Variants in LHFPL4 observed in about 807,000 individuals in gnomAD.
LHFPL4 encodes the protein LHFPL tetraspan subfamily member 4 protein.
LHFPL4 carries 6 observed loss-of-function variants against 20.0 expected under a neutral mutation model. The ratio of observed to expected loss-of-function variants is 0.30; its 90% CI spans 0.16 to 0.59. The LOEUF is 0.59. Among genes scored for constraint, LHFPL4 ranks in the 20% least tolerant of loss-of-function variants. The pLI is 0.88. For synonymous variants in LHFPL4, 129 were observed against 143.8 expected, an observed-to-expected ratio of 0.90 and a Z score of 0.74; for missense variants, 215 against 331.2, an observed-to-expected ratio of 0.65 and a Z score of 2.72.
Position 9,500,995 on chromosome 3 carries a change from C to A in LHFPL4, c.*1216G>T. 1 of 153,152 alleles carries A rather than the reference C, an allele frequency of 6.5e-6. No homozygotes were observed. The allele number at this position is 153,152 out of a possible 1,614,324, so 9.5% of individuals were successfully genotyped here. A position where few individuals can be genotyped will look rare whatever the true frequency, so the allele number is the denominator to read the frequency against. ...CGCACACACACGCACACACATTTCA[C>A]CCACATACACATACACTCATGCCTC... On this transcript the variant is annotated 3_prime_UTR_variant, in exon 4 of 4. Coordinates refer to ENST00000287585, the MANE Select transcript of LHFPL4 (RefSeq NM_198560.3).
intron 3 of LHFPL4, among the ~76,000 whole-genome samples, chr3:9,505,678 C>T (rs193212241): frequency 3.2e-4 from 49 of 152,310 alleles, no homozygotes; most frequent in African/African-American, 1.1e-3. Flanking sequence ...CCCGCCTCGG[C>T]CTCCCAAAGT....
intron 2 of LHFPL4, among the ~76,000 whole-genome samples, chr3:9,507,851 T>G (rs557725415): frequency 5.2e-4 from 79 of 152,318 alleles, no homozygotes; most frequent in African/African-American, 1.9e-3. Flanking sequence ...ACCCCCAGAT[T>G]CAGCAGGCCA....
chr3:9,519,363 C>T (rs918782599), intron 2 of LHFPL4, among the ~76,000 whole-genome samples: 7 of 152,130 alleles, frequency 4.6e-5, no homozygotes, highest in Admixed American at 3.3e-4. Flanking sequence ...GCATGAGCCA[C>T]CACACCTGGC....
chr3:9,530,959 T>A (rs1384709443), intron 2 of LHFPL4, among the ~76,000 whole-genome samples: 1 of 152,162 alleles, frequency 6.6e-6, no homozygotes, highest in East Asian at 1.9e-4. Flanking sequence ...ACTTGAACAC[T>A]TAGAGGCCAT....
At chr3:9,503,045 G>T (rs1218939397) in intron 3 of LHFPL4, among the ~76,000 whole-genome samples, 2 of 151,206 alleles carry the variant, frequency 1.3e-5, no homozygotes, top group Non-Finnish European at 1.5e-5. Context: ...TTGTTACATC[G>T]CCCAGACTGG....
intron 2 of LHFPL4, among the ~76,000 whole-genome samples, chr3:9,508,837 C>A (rs2046237892): frequency 6.6e-6 from 1 of 152,190 alleles, no homozygotes; most frequent in South Asian, 2.1e-4. Flanking sequence ...AGAGCCCTTT[C>A]CCAGGCGGGT....
intron 2 of LHFPL4, among the ~76,000 whole-genome samples, chr3:9,519,629 G>A (rs889435748): frequency 2.6e-5 from 4 of 152,122 alleles, no homozygotes; most frequent in African/African-American, 7.2e-5. Context: ...CATGATCATG[G>A]CTTACTGCAG....
At chr3:9,544,612 G>A (rs572772891) in intron 2 of LHFPL4, among the ~76,000 whole-genome samples, 5 of 152,248 alleles carry the variant, frequency 3.3e-5, no homozygotes, top group Middle Eastern at 6.8e-3. Flanking sequence ...GCCATAGAGT[G>A]AGACTCTATC....
At chr3:9,523,276 G>C (rs1487390404) in intron 2 of LHFPL4, among the ~76,000 whole-genome samples, 1 of 150,888 alleles carries the variant, frequency 6.6e-6, no homozygotes, top group African/African-American at 2.4e-5. Flanking sequence ...AGCTACTCGG[G>C]AGGCTGAGGC....
intron 2 of LHFPL4, among the ~76,000 whole-genome samples, chr3:9,508,813 C>A (rs1218888708): frequency 6.6e-6 from 1 of 152,238 alleles, no homozygotes; most frequent in Non-Finnish European, 1.5e-5. Context: ...CCTTCCCCCG[C>A]CCTCGGAGTC....
At chr3:9,523,984 C>T (rs1001051055) in intron 2 of LHFPL4, among the ~76,000 whole-genome samples, 35 of 66,862 alleles carry the variant, frequency 5.2e-4, no homozygotes, top group Admixed American at 1.4e-3. Flanking sequence ...GCTAGTATTT[C>T]CCCCCCCCCC....
At chr3:9,504,200 A>G (rs762501850) in intron 3 of LHFPL4, among the ~76,000 whole-genome samples, 54 of 152,158 alleles carry the variant, frequency 3.5e-4, no homozygotes, top group South Asian at 1.7e-3. Context: ...GTGAAACCCC[A>G]TCTCTACTAA....
intron 2 of LHFPL4, among the ~76,000 whole-genome samples, chr3:9,533,936 G>A (rs1305892786): frequency 2.6e-5 from 4 of 151,984 alleles, no homozygotes; most frequent in Middle Eastern, 3.4e-3. Flanking sequence ...GCATAGGGTC[G>A]GACACAGTGG....
At chr3:9,515,814 C>G (rs2046296608) in intron 2 of LHFPL4, among the ~76,000 whole-genome samples, 1 of 151,134 alleles carries the variant, frequency 6.6e-6, no homozygotes, top group South Asian at 2.1e-4. Flanking sequence ...CTCCTGGGTT[C>G]AAGCAATTCT....
At chr3:9,514,637 A>G (rs1429094763) in intron 2 of LHFPL4, among the ~76,000 whole-genome samples, 1 of 152,224 alleles carries the variant, frequency 6.6e-6, no homozygotes, top group Non-Finnish European at 1.5e-5. Flanking sequence ...ACTGCCCTAA[A>G]AAATCCTCTG....
At chr3:9,519,943 G>A (rs1205199762) in intron 2 of LHFPL4, among the ~76,000 whole-genome samples, 4 of 152,102 alleles carry the variant, frequency 2.6e-5, no homozygotes, top group Non-Finnish European at 4.4e-5. Context: ...GTAGGTGTGA[G>A]TCACCATCCT....
rs1010152421 is a variant in LHFPL4 at position 9,540,579 on chromosome 3, T to C, written c.406+11695A>G. On this transcript the variant is annotated intron_variant, in intron 2 of 3. Transcript: ENST00000287585. ...GGACTCACACTTTCTGATTTCAAAC[T>C]GACTAGAAAGTGACAGTAATCAAGA... 1.1e-4 allele frequency among the ~76,000 whole-genome samples: 17 copies of C among 152,134 alleles called. 1 individual carries two copies. Among genetic ancestry groups the C allele is most frequent in the African/African-American group, 4.1e-4 (17 of 41,428 alleles).
intron 2 of LHFPL4, among the ~76,000 whole-genome samples, chr3:9,517,810 T>TTTG (rs1559517264): frequency 1.1e-4 from 12 of 106,430 alleles, no homozygotes; most frequent in African/African-American, 3.7e-4. Flanking sequence ...TGTTTTTTGT[T>TTTG]TTTTTTTTTT....
intron 2 of LHFPL4, among the ~76,000 whole-genome samples, chr3:9,537,212 G>A (rs1453354148): frequency 2.0e-5 from 3 of 152,136 alleles, no homozygotes; most frequent in Non-Finnish European, 4.4e-5. Flanking sequence ...GTGCCATTCA[G>A]CTTCTCGCTT....
Sources: allele counts gnomAD v4.1 joint callset (sites outside exome capture counted in the v4.1 genomes callset), GRCh38; gene constraint gnomAD v4.1.1; transcripts MANE v1.5; gene names NCBI Gene and HGNC (gene_info 2026-07-23, HGNC 2026-07-21).